SFXN3: variants seen among roughly 807,000 people sequenced by gnomAD.
SFXN3 encodes sideroflexin 3.
SFXN3 carries 31 observed loss-of-function variants against 40.4 expected under a neutral mutation model. The ratio of observed to expected loss-of-function variants is 0.77; its 90% CI spans 0.58 to 1.04. The LOEUF is 1.04. SFXN3 is among the 50% of genes least tolerant of loss of function. SFXN3 has a pLI of 0.00. For missense variants in SFXN3, 366 were observed against 408.2 expected (o/e 0.90, Z 0.89); for synonymous variants, 157 against 160.0 (o/e 0.98, Z 0.14).
chr10:101,036,588 C>A lies in SFXN3; in HGVS notation c.507+27C>A, dbSNP rs1938615366. 1 of 1,613,758 alleles carries A rather than the reference C, an allele frequency of 6.2e-7. No individual in the cohort carries two copies. The highest frequency in any genetic ancestry group is 1.7e-5 in the Admixed American group (1 of 60,000). ...TAAAGGCCCCTCACTCCCCTGACCA[C>A]CCCATTCATCCTCTATCTGCCTCCT... On this transcript the variant is annotated intron_variant, in intron 6 of 11. Coordinates refer to ENST00000393459, the Ensembl canonical transcript of SFXN3. The surrounding 1 kb of genome is among the most constrained non-coding windows in gnomAD (Gnocchi z 4.2).
chr10:101,034,163 T>C (rs1938468029), intron 2 of SFXN3, among the ~76,000 whole-genome samples: 1 of 152,102 alleles, frequency 6.6e-6, no homozygotes, highest in African/African-American at 2.4e-5. Context: ...CACGAGGCCA[T>C]ATTTCAGACT....
rs1938765210 is a variant in SFXN3 at position 101,039,070 on chromosome 10, C to T, written c.822-105C>T. 2 of 986,470 alleles carry T rather than the reference C, an allele frequency of 2.0e-6. No individual in the cohort carries two copies. Among genetic ancestry groups the T allele is most frequent in the Non-Finnish European group, 3.1e-6 (2 of 638,092 alleles). 61.1% of individuals were successfully genotyped at this position (986,470 alleles called of 1,614,324 possible). A position where few individuals can be genotyped will look rare whatever the true frequency, so the allele number is the denominator to read the frequency against. On this transcript the variant is annotated intron_variant, in intron 10 of 11. Coordinates refer to ENST00000393459, the Ensembl canonical transcript of SFXN3. The surrounding 1 kb of genome is among the most constrained non-coding windows in gnomAD (Gnocchi z 4.6). The stretch of plus-strand genomic sequence containing the variant: ...CCTAAAAGGTCCTTTCAGCTTTTAT[C>T]AATCTCCACCCCTAGGGCCTATCTC...
In SFXN3 at chr10:101,032,097, C is replaced by G. The variant is rs986432691; in HGVS notation, c.-172-217C>G. 5 of 238,918 alleles carry G rather than the reference C, an allele frequency of 2.1e-5. No individual in the cohort carries two copies. The East Asian group carries it at 4.0e-4, about 19-fold the overall frequency. The allele number at this position is 238,918 out of a possible 1,614,324, so 14.8% of individuals were successfully genotyped here. A position where few individuals can be genotyped will look rare whatever the true frequency, so the allele number is the denominator to read the frequency against. ...CGCCCGGGGCTTTCTCTCTGGGCACCTAGACCGCTTGCTGCAGGGCTGGGG... is the reference window on the plus strand; with the variant it reads ...CGCCCGGGGCTTTCTCTCTGGGCACGTAGACCGCTTGCTGCAGGGCTGGGG... On this transcript the variant is annotated intron_variant, in intron 1 of 11. Coordinates refer to ENST00000393459, the Ensembl canonical transcript of SFXN3.
chr10:101,038,329 G>A, intron 9 of SFXN3: 2 of 1,299,430 alleles, frequency 1.5e-6, no homozygotes, highest in South Asian at 3.6e-5. Context: ...AGGTTCACAG[G>A]AGGTTTCCTG....
At chr10:101,037,537 C>T (rs1262187640) in intron 9 of SFXN3, 106 bp downstream of exon 9, 6 of 1,608,156 alleles carry the variant, frequency 3.7e-6, no homozygotes, top group South Asian at 1.1e-5. Context: ...ACTTGCCAGC[C>T]CTTCTCCTGA....
chr10:101,034,954 T>A, intron 3 of SFXN3, 99 bp downstream of exon 3: 12 of 1,438,294 alleles, frequency 8.3e-6, no homozygotes, highest in Non-Finnish European at 1.1e-5. Flanking sequence ...ACAGTGACCC[T>A]GTCCCTCAAT....
intron 9 of SFXN3, chr10:101,037,802 C>T (rs1001229174): frequency 7.7e-5 from 87 of 1,133,302 alleles, no homozygotes; most frequent in East Asian, 1.1e-4. Context: ...GAACAGGACA[C>T]GAAAGCAAAG....
At chr10:101,038,673 G>C (rs756496538) in exon 10 of SFXN3, 1 of 1,612,510 alleles carries the variant, frequency 6.2e-7, no homozygotes, top group Non-Finnish European at 8.5e-7. Context: ...ACCCCTGCAG[G>C]TGGGACTGGT....
intron 9 of SFXN3, 99 bp downstream of exon 9, chr10:101,037,530 T>A: frequency 6.2e-7 from 1 of 1,610,330 alleles, no homozygotes; most frequent in East Asian, 2.2e-5. Context: ...CTCTAAGACT[T>A]GCCAGCCCTT....
At chr10:101,034,339 TC>T (rs573483863) in intron 2 of SFXN3, among the ~76,000 whole-genome samples, 221 of 152,320 alleles carry the variant, frequency 1.5e-3, no homozygotes, top group African/African-American at 5.0e-3. Flanking sequence ...GTCCTGCACA[TC>T]CCTAGATCCC....
exon 10 of SFXN3, chr10:101,038,684 G>A (rs1162840937): frequency 1.9e-6 from 3 of 1,611,650 alleles, no homozygotes; most frequent in East Asian, 4.5e-5. Context: ...TGGGACTGGT[G>A]GGCTTCTGGT....
Position 101,032,502 on chromosome 10 carries a change from G to C in SFXN3, c.-4+20G>C, listed in dbSNP as rs748385266. 4 of 1,533,432 alleles carry C rather than the reference G, an allele frequency of 2.6e-6. No individual in the cohort carries two copies. The highest frequency in any genetic ancestry group is 3.5e-6 in the Non-Finnish European group (4 of 1,139,380). 95.0% of individuals were successfully genotyped at this position (1,533,432 alleles called of 1,614,324 possible). The stretch of plus-strand genomic sequence containing the variant: ...GAAAGCGTAAGTGCTCGCTCTCCCC[G>C]GCGGGCGGGGTTCTGGAATGGGGGT... On this transcript the variant is annotated intron_variant, in intron 2 of 11. Coordinates refer to ENST00000393459, the Ensembl canonical transcript of SFXN3.
Position 101,039,185 on chromosome 10 carries a change from G to T in SFXN3, c.832G>T (p.Ala278Ser). Reference sequence around the variant, plus strand: ...ACTTGTCTCCCCCAGCCTGGTATTTGCAACCCCCCTGTGCTGTGCCCTATT... The same window carrying T: ...ACTTGTCTCCCCCAGCCTGGTATTTTCAACCCCCCTGTGCTGTGCCCTATT... Residue 278 changes from alanine to serine, a missense_variant, in exon 11 of 12, where the codon GCA becomes TCA. Physicochemically the swap from Ala to Ser is moderately conservative, Grantham distance 99. Transcript: ENST00000393459. The surrounding 1 kb of genome is among the most constrained non-coding windows in gnomAD (Gnocchi z 4.6). The T allele has an allele frequency of 4.3e-6, 7 of 1,611,544 alleles. No homozygotes were observed. The highest frequency in any genetic ancestry group is 5.9e-6 in the Non-Finnish European group (7 of 1,178,414).
In SFXN3 at chr10:101,036,863, T is replaced by C; in HGVS notation, c.593+55T>C. The C allele has an allele frequency of 1.3e-6, 2 of 1,593,940 alleles. No homozygotes were observed. Among genetic ancestry groups the C allele is most frequent in the Admixed American group, 1.7e-5 (1 of 59,042 alleles). ...TGCCCAGAATGTAGCACACTGTCCA[T>C]CCACGCAGACCACCTCAGAATGGGG... On this transcript the variant is annotated intron_variant, in intron 7 of 11. Coordinates refer to ENST00000393459, the Ensembl canonical transcript of SFXN3. The surrounding 1 kb of genome is among the most constrained non-coding windows in gnomAD (Gnocchi z 4.2).
intron 3 of SFXN3, 151 bp from the exon 4 acceptor site, chr10:101,035,345 CT>C (rs1336989772): frequency 1.2e-6 from 1 of 834,248 alleles, no homozygotes; most frequent in African/African-American, 1.7e-5. Context: ...AACTTTGGCC[CT>C]CTCCCAAAGA....
At chr10:101,031,741 A>G (rs530968533) in intron 1 of SFXN3, among the ~76,000 whole-genome samples, 1 of 152,024 alleles carries the variant, frequency 6.6e-6, no homozygotes, top group South Asian at 2.1e-4. Flanking sequence ...GCCCCTCCAC[A>G]TCTCAGGGGT....
At chr10:101,035,826 C>T (rs568482708) in intron 4 of SFXN3, 159 bp downstream of exon 4, 71 of 1,163,634 alleles carry the variant, frequency 6.1e-5, no homozygotes, top group Non-Finnish European at 7.9e-5. Flanking sequence ...ACCCCAGAGA[C>T]AGTAGGTGTG....
Position 101,032,501 on chromosome 10 carries a change from C to T in SFXN3, c.-4+19C>T, listed in dbSNP as rs532779183. ...GGAAAGCGTAAGTGCTCGCTCTCCC[C>T]GGCGGGCGGGGTTCTGGAATGGGGG... On this transcript the variant is annotated intron_variant, in intron 2 of 11. Coordinates refer to ENST00000393459, the Ensembl canonical transcript of SFXN3. 4.2e-5 allele frequency: 64 copies of T among 1,533,860 alleles called. 1 individual carries two copies. The Middle Eastern group carries it at 8.4e-4, about 20-fold the overall frequency.
Position 101,039,466 on chromosome 10 carries a change from T to C in SFXN3, c.870-23T>C. The C allele has an allele frequency of 6.2e-7, 1 of 1,609,030 alleles. No homozygotes were observed. Among genetic ancestry groups the C allele is most frequent in the Non-Finnish European group, 8.5e-7 (1 of 1,175,448 alleles). The stretch of plus-strand genomic sequence containing the variant: ...GGGGTTGGATTCAGGGGACGTTAAC[T>C]GGCCTGTGCTGTTCTATTGCAGCTC... On this transcript the variant is annotated intron_variant, in intron 11 of 11. Transcript: ENST00000393459. The surrounding 1 kb of genome is among the most constrained non-coding windows in gnomAD (Gnocchi z 4.6).
Sources: allele counts gnomAD v4.1 joint callset (sites outside exome capture counted in the v4.1 genomes callset), GRCh38; gene constraint gnomAD v4.1.1; non-coding constraint Gnocchi (gnomAD v3.1); transcripts MANE v1.5; gene names NCBI Gene and HGNC (gene_info 2026-07-23, HGNC 2026-07-21).